GSE1: variants seen among roughly 807,000 people sequenced by gnomAD.
The protein encoded by GSE1 is Gse1 coiled-coil protein.
Under a neutral mutation model 112.6 loss-of-function variants are expected in GSE1, and 32 were observed. The ratio of observed to expected loss-of-function variants is 0.28; its 90% CI spans 0.21 to 0.38. The LOEUF (loss-of-function observed/expected upper bound fraction) is 0.38, where lower values mean the gene tolerates loss of function less well. GSE1 is among the 10% of genes least tolerant of loss of function. The pLI is 1.00. For missense variants in GSE1, 2,348 were observed against 1,699.2 expected (o/e 1.38, Z -6.71); for synonymous variants, 1,115 against 735.6 (o/e 1.52, Z -8.35).
At chr16:85,338,142 G>T (rs1307243836) in intron 1 of GSE1, among the ~76,000 whole-genome samples, 2 of 152,232 alleles carry the variant, frequency 1.3e-5, no homozygotes, top group Non-Finnish European at 2.9e-5. Context: ...CTGAGCCTGG[G>T]CTGCCCACGG....
At position 85,674,265 on chromosome 16, in the gene GSE1, G is replaced by C. The variant is rs145040384; in HGVS notation, c.*1726G>C. 1.3e-5 allele frequency: 2 copies of C among 152,266 alleles called. No homozygotes were observed. Among genetic ancestry groups the C allele is most frequent in the African/African-American group, 4.8e-5 (2 of 41,462 alleles). The allele number at this position is 152,266 out of a possible 1,614,324, so 9.4% of individuals were successfully genotyped here. ...GCTTGCTGGCAGCTGGCATCGTGTC[G>C]CTTTATCTGCCCCCGCACAGTTTGC... On this transcript the variant is annotated 3_prime_UTR_variant, in exon 16 of 16. Transcript: ENST00000253458.
At chr16:85,207,550 C>T (rs1281008711) in intron 1 of GSE1, among the ~76,000 whole-genome samples, 3 of 92,858 alleles carry the variant, frequency 3.2e-5, no homozygotes, top group South Asian at 3.5e-4. Flanking sequence ...CCTGCCCCAG[C>T]GGCAGGAGAT....
At chr16:85,242,683 C>T (rs913574109) in intron 1 of GSE1, among the ~76,000 whole-genome samples, 1 of 152,196 alleles carries the variant, frequency 6.6e-6, no homozygotes, top group African/African-American at 2.4e-5. Context: ...CGACCCCGAC[C>T]CCACTGCTCC....
intron 3 of GSE1, among the ~76,000 whole-genome samples, chr16:85,651,675 C>T (rs561865962): frequency 1.7e-4 from 26 of 152,312 alleles, no homozygotes; most frequent in Admixed American, 8.5e-4. Context: ...CGAGGTCTGT[C>T]CTCCAGCCCT....
intron 1 of GSE1, among the ~76,000 whole-genome samples, chr16:85,332,437 C>T (rs1053472489): frequency 2.6e-5 from 4 of 152,236 alleles, no homozygotes; most frequent in Admixed American, 6.5e-5. Context: ...AATGTCCCCA[C>T]TTTCCAGATG....
chr16:85,305,503 C>T (rs559895627), intron 1 of GSE1, among the ~76,000 whole-genome samples: 19 of 151,700 alleles, frequency 1.3e-4, no homozygotes, highest in Non-Finnish European at 2.1e-4. Context: ...GTTTTTGAGA[C>T]GGAGTCTTGC....
rs747906070 is a variant in GSE1, at chr16:85,403,118, G to A, written c.2464+45475G>A. On this transcript the variant is annotated intron_variant, in intron 2 of 2. Coordinates refer to the GSE1 transcript ENST00000637419. ...GGGGGGGACTCAGTTCCTCTGGGCCGTGGGATAGAGGCCTCAGTTCCTTGC... is the reference window on the plus strand; with the variant it reads ...GGGGGGGACTCAGTTCCTCTGGGCCATGGGATAGAGGCCTCAGTTCCTTGC... Among the ~76,000 whole-genome samples the A allele has an allele frequency of 3.0e-4, 45 of 151,866 alleles. 1 individual carries two copies. Among genetic ancestry groups the A allele is most frequent in the Admixed American group, 3.3e-4 (5 of 15,262 alleles).
chr16:85,296,943 C>T (rs943694602), intron 1 of GSE1, among the ~76,000 whole-genome samples: 3 of 152,230 alleles, frequency 2.0e-5, no homozygotes, highest in East Asian at 1.9e-4. Context: ...GCTCCCCCGG[C>T]GCTTCCCCGG....
chr16:85,386,679 G>A lies in GSE1; in HGVS notation c.2464+29036G>A, dbSNP rs138295579. 3.4e-4 allele frequency among the ~76,000 whole-genome samples: 52 copies of A among 152,344 alleles called. No individual in the cohort carries two copies. The East Asian group carries it at 9.3e-3, about 27-fold the overall frequency. Reference sequence around the variant, plus strand: ...ACCCGAGTGTTCAGCACGATTGTGCGTGAAACGCCTTGGAAGGAGGCTGGC... The same window carrying A: ...ACCCGAGTGTTCAGCACGATTGTGCATGAAACGCCTTGGAAGGAGGCTGGC... On this transcript the variant is annotated intron_variant, in intron 2 of 2. Transcript: ENST00000637419.
intron 13 of GSE1, 54 bp downstream of exon 13, chr16:85,666,401 A>G: frequency 1.3e-6 from 2 of 1,596,578 alleles, no homozygotes; most frequent in African/African-American, 1.3e-5. Flanking sequence ...AGGCTGACCA[A>G]AGTTGCTGAG....
At chr16:85,482,272 GGTGCTCGGATGT>G (rs1489481653) in intron 2 of GSE1, among the ~76,000 whole-genome samples, 1 of 152,240 alleles carries the variant, frequency 6.6e-6, no homozygotes, top group African/African-American at 2.4e-5. Context: ...TGGCACTGGG[GGTGCTCGGATGT>G]GTGCCCAGTC....
intron 1 of GSE1, among the ~76,000 whole-genome samples, chr16:85,339,993 TCC>T (rs2151537385): frequency 6.6e-6 from 1 of 152,338 alleles, no homozygotes; most frequent in African/African-American, 2.4e-5. Flanking sequence ...TTGTTTTATG[TCC>T]CCTGGTCCCC....
At chr16:85,414,925 C>T (rs546256577) in intron 2 of GSE1, among the ~76,000 whole-genome samples, 6 of 152,300 alleles carry the variant, frequency 3.9e-5, no homozygotes, top group South Asian at 2.1e-4. Flanking sequence ...CATGAGCCAC[C>T]GTGCCCAGCC....
chr16:85,369,003 G>A lies in GSE1; in HGVS notation c.2464+11360G>A, dbSNP rs1263114515. ...CTCTTCCTAGTCATATTATTTCTGT[G>A]TTGCTGTAAGAAGTCACCGTGGACT... is the stretch of plus-strand genomic sequence containing the variant. On this transcript the variant is annotated intron_variant, in intron 2 of 2. Coordinates refer to the GSE1 transcript ENST00000637419. 2.6e-5 allele frequency among the ~76,000 whole-genome samples: 4 copies of A among 152,156 alleles called. 1 individual carries two copies. The highest frequency in any genetic ancestry group is 2.0e-4 in the Admixed American group (3 of 15,286).
chr16:85,445,063 C>A (rs953567582), intron 2 of GSE1, among the ~76,000 whole-genome samples: 2 of 152,232 alleles, frequency 1.3e-5, no homozygotes, highest in African/African-American at 4.8e-5. Context: ...GTCTTTTCTG[C>A]ACGCCTTGCC....
upstream of GSE1, chr16:85,611,524 G>A: frequency 1.0e-6 from 1 of 976,572 alleles, no homozygotes; most frequent in South Asian, 4.7e-5. Flanking sequence ...GCCGGCCAGC[G>A]TCCGCAGGTA....
intron 2 of GSE1, among the ~76,000 whole-genome samples, chr16:85,382,302 G>A (rs920587897): frequency 6.6e-6 from 1 of 152,198 alleles, no homozygotes; most frequent in African/African-American, 2.4e-5. Flanking sequence ...CCGTGACTGT[G>A]GTGGGGGCAG....
rs2053480866 is a variant in GSE1 at position 85,673,206 on chromosome 16, T to C, written c.*667T>C. On this transcript the variant is annotated 3_prime_UTR_variant, in exon 16 of 16. Transcript: ENST00000253458. The stretch of plus-strand genomic sequence containing the variant: ...GCTTTTTATTACTCCGTGGGGAGCA[T>C]GTACAGAGCTCTGTGTATACACAGC... 1 of 152,576 alleles carries C rather than the reference T, an allele frequency of 6.6e-6. No individual in the cohort carries two copies. Among genetic ancestry groups the C allele is most frequent in the Admixed American group, 6.5e-5 (1 of 15,268 alleles). 9.5% of individuals were successfully genotyped at this position (152,576 alleles called of 1,614,324 possible).
chr16:85,578,122 G>C (rs1210271081), intron 1 of GSE1, among the ~76,000 whole-genome samples: 2 of 152,190 alleles, frequency 1.3e-5, no homozygotes, highest in African/African-American at 4.8e-5. Flanking sequence ...ACTCTGGCTG[G>C]CACCCAGCAG....
Sources: allele counts gnomAD v4.1 joint callset (sites outside exome capture counted in the v4.1 genomes callset), GRCh38; gene constraint gnomAD v4.1.1; transcripts MANE v1.5; gene names NCBI Gene and HGNC (gene_info 2026-07-23, HGNC 2026-07-21).